NME7: variants seen among roughly 807,000 people sequenced by gnomAD.
The protein encoded by NME7 is nucleoside diphosphate kinase 7.
A neutral mutation model predicts 49.1 loss-of-function variants in NME7; 41 were observed. That is an observed-to-expected ratio of 0.83 (90% CI 0.65 to 1.08). The LOEUF (loss-of-function observed/expected upper bound fraction) is 1.08. Ranked by LOEUF, NME7 falls within the 50% of genes least tolerant of loss-of-function variation. The pLI, the probability that NME7 is intolerant of heterozygous loss-of-function variation, is 0.00. For missense variants in NME7, 423 were observed against 463.4 expected (o/e 0.91, Z 0.80); for synonymous variants, 139 against 150.6 (o/e 0.92, Z 0.56).
At chr1:169,256,816 C>T (rs1648959474) in intron 7 of NME7, among the ~76,000 whole-genome samples, 1 of 131,206 alleles carries the variant, frequency 7.6e-6, no homozygotes, top group Admixed American at 7.5e-5. Flanking sequence ...TGTTGGAATA[C>T]CCTGCCGTGT....
chr1:169,346,280 T>C (rs1401059262), intron 1 of NME7, among the ~76,000 whole-genome samples: 1 of 152,148 alleles, frequency 6.6e-6, no homozygotes, highest in African/African-American at 2.4e-5. Context: ...CCACTTTCAA[T>C]AGCCCACAAA....
At chr1:169,353,215 G>T (rs1377101441) in intron 1 of NME7, among the ~76,000 whole-genome samples, 1 of 151,996 alleles carries the variant, frequency 6.6e-6, no homozygotes, top group Non-Finnish European at 1.5e-5. Context: ...CAATGGAACA[G>T]AATAGAGAAC....
intron 10 of NME7, among the ~76,000 whole-genome samples, chr1:169,192,277 C>T (rs3766069): frequency 0.37 from 56,335 of 151,846 alleles, 11,029 homozygotes; most frequent in East Asian, 0.73. Flanking sequence ...GACAGTATAG[C>T]TGGCCCTCTG....
intron 6 of NME7, among the ~76,000 whole-genome samples, chr1:169,293,978 C>A (rs1253564083): frequency 6.6e-6 from 1 of 151,976 alleles, no homozygotes; most frequent in Non-Finnish European, 1.5e-5. Context: ...ATTACATTTT[C>A]TAACTGGTTA....
chr1:169,142,963 C>G (rs75013347), intron 11 of NME7, among the ~76,000 whole-genome samples: 202 of 152,282 alleles, frequency 1.3e-3, no homozygotes, highest in Non-Finnish European at 2.2e-3. Context: ...TCATCATTTT[C>G]CACATGGAGA....
chr1:169,185,886 G>A (rs1016868393), intron 10 of NME7, among the ~76,000 whole-genome samples: 1 of 152,086 alleles, frequency 6.6e-6, no homozygotes, highest in Non-Finnish European at 1.5e-5. Context: ...TAGAGATTGT[G>A]TCTTACTCAT....
intron 5 of NME7, chr1:169,302,260 A>G (rs950828096): frequency 6.6e-6 from 1 of 152,142 alleles, no homozygotes; most frequent in Admixed American, 6.6e-5. Flanking sequence ...ACTGCTATAT[A>G]TCCAAAAGAA....
intron 10 of NME7, among the ~76,000 whole-genome samples, chr1:169,202,888 G>A (rs553111407): frequency 2.0e-4 from 31 of 152,238 alleles, no homozygotes; most frequent in African/African-American, 7.5e-4. Context: ...ATGAAGTAAT[G>A]GCATGGGTAT....
At chr1:169,323,376 C>A in intron 2 of NME7, 93 bp from the exon 3 acceptor site, 5 of 1,049,876 alleles carry the variant, frequency 4.8e-6, no homozygotes, top group Non-Finnish European at 5.2e-6. Context: ...ATTCTTAATT[C>A]TGTCTTATCA....
At chr1:169,349,380 G>T (rs1653069220) in intron 1 of NME7, among the ~76,000 whole-genome samples, 1 of 152,036 alleles carries the variant, frequency 6.6e-6, no homozygotes, top group African/African-American at 2.4e-5. Context: ...TGCCCAGTCA[G>T]CCCCAAATAA....
chr1:169,237,700 G>T lies in NME7; in HGVS notation c.755-13C>A. ...TTTCCCAACAGTCCTGAAAATGAAG[G>T]ACAATGAGTGAAAAAATACAAAATT... On this transcript the variant is annotated splice_polypyrimidine_tract_variant and intron_variant, in intron 7 of 11. Coordinates refer to ENST00000367811, the MANE Select transcript of NME7 (RefSeq NM_013330.5). The T allele has an allele frequency of 6.3e-7, 1 of 1,590,352 alleles. No individual in the cohort carries two copies. Among genetic ancestry groups the T allele is most frequent in the Non-Finnish European group, 8.6e-7 (1 of 1,168,224 alleles).
chr1:169,257,724 T>C (rs181822297), intron 7 of NME7, among the ~76,000 whole-genome samples: 1 of 134,650 alleles, frequency 7.4e-6, no homozygotes, highest in Admixed American at 7.3e-5. Context: ...AGAGCTGGTC[T>C]AGTAGTAACA....
At chr1:169,133,159 T>A (rs1014108063) in intron 11 of NME7, among the ~76,000 whole-genome samples, 1 of 152,210 alleles carries the variant, frequency 6.6e-6, no homozygotes, top group African/African-American at 2.4e-5. Flanking sequence ...TAAATTAAGG[T>A]TCATACCTTG....
chr1:169,195,892 T>C (rs982979679), intron 10 of NME7, among the ~76,000 whole-genome samples: 1 of 130,060 alleles, frequency 7.7e-6, no homozygotes, highest in Admixed American at 7.5e-5. Flanking sequence ...TGGTATAGTA[T>C]GTTTAGAAGC....
intron 10 of NME7, among the ~76,000 whole-genome samples, chr1:169,206,803 T>C (rs1660686422): frequency 1.3e-5 from 2 of 152,304 alleles, no homozygotes; most frequent in African/African-American, 2.4e-5. Context: ...TTTTAAGATA[T>C]GTACAATTGT....
intron 9 of NME7, among the ~76,000 whole-genome samples, chr1:169,231,971 T>C (rs1006805344): frequency 2.0e-5 from 3 of 151,262 alleles, no homozygotes; most frequent in Non-Finnish European, 3.0e-5. Context: ...CAGGCAAATA[T>C]GTAGGAAAAT....
In NME7 at chr1:169,167,202, T is replaced by C. The variant is rs148929890; in HGVS notation, c.1098+2245A>G. ...AGCCATTTAAATAAAATAAATTGTT[T>C]ATTATTAATAATATTGTGATAGCTG... On this transcript the variant is annotated intron_variant, in intron 11 of 11. Transcript: ENST00000367811. 9.6e-3 allele frequency among the ~76,000 whole-genome samples: 1,243 copies of C among 129,514 alleles called. 6 individuals carry two copies. The highest frequency in any genetic ancestry group is 0.016 in the Non-Finnish European group (910 of 57,618). The allele number at this position is 129,514 out of a possible 152,430, so 85.0% of individuals were successfully genotyped here. A position where few individuals can be genotyped will look rare whatever the true frequency, so the allele number is the denominator to read the frequency against.
intron 6 of NME7, among the ~76,000 whole-genome samples, chr1:169,293,554 C>A (rs1471422939): frequency 6.6e-6 from 1 of 152,122 alleles, no homozygotes; most frequent in African/African-American, 2.4e-5. Context: ...TACTTACCTA[C>A]TCCCATGCTA....
chr1:169,323,031 A>G, intron 3 of NME7, 86 bp downstream of exon 3: 8 of 1,117,622 alleles, frequency 7.2e-6, no homozygotes, highest in Non-Finnish European at 9.7e-6. Context: ...CCATCCTCAT[A>G]TGGTTACATA....
Sources: allele counts gnomAD v4.1 joint callset (sites outside exome capture counted in the v4.1 genomes callset), GRCh38; gene constraint gnomAD v4.1.1; transcripts MANE v1.5; gene names NCBI Gene and HGNC (gene_info 2026-07-23, HGNC 2026-07-21).